Variants in PRSS23 observed in about 807,000 individuals in gnomAD.
The protein encoded by PRSS23 is protease, serine 23.
PRSS23 carries 25 observed loss-of-function variants against 34.7 expected under a neutral mutation model. The observed-to-expected ratio is 0.72, with a 90% CI of 0.53 to 1.01. The LOEUF (loss-of-function observed/expected upper bound fraction) is 1.01, where lower values mean the gene tolerates loss of function less well. PRSS23 is among the 50% of genes least tolerant of loss of function. The pLI, the probability that PRSS23 is intolerant of heterozygous loss-of-function variation, is 0.00. For synonymous variants in PRSS23, 176 were observed against 186.6 expected, an observed-to-expected ratio of 0.94 and a Z score of 0.46; for missense variants, 445 against 475.6, an observed-to-expected ratio of 0.94 and a Z score of 0.60.
intron 2 of PRSS23, among the ~76,000 whole-genome samples, chr11:86,883,232 G>A (rs990461633): frequency 3.3e-5 from 5 of 152,136 alleles, no homozygotes; most frequent in Admixed American, 3.3e-4. Context: ...CATGCTACTC[G>A]ACTTCAAACC....
intron 2 of PRSS23, among the ~76,000 whole-genome samples, chr11:86,920,482 T>C (rs181583568): frequency 1.3e-5 from 2 of 152,282 alleles, no homozygotes; most frequent in East Asian, 1.9e-4. Context: ...TTATGGCAGA[T>C]AATGTGTACA....
At chr11:86,868,438 A>G (rs1590903397) in intron 2 of PRSS23, among the ~76,000 whole-genome samples, 1 of 152,274 alleles carries the variant, frequency 6.6e-6, no homozygotes, top group East Asian at 1.9e-4. Flanking sequence ...GAAAGAGCAA[A>G]GGAATGACAC....
In PRSS23 at chr11:86,951,250, G is replaced by A. The variant is rs192151920; in HGVS notation, c.241G>A (p.Val81Met). Reference sequence around the variant, plus strand: ...ATCTGTTGGAACACTTCTGCCACGTGTGAAGAGTTTTGGCAGACCAAATCC... The same window carrying A: ...ATCTGTTGGAACACTTCTGCCACGTATGAAGAGTTTTGGCAGACCAAATCC... Residue 81 changes from valine (V) to methionine (M), a missense_variant, in exon 3 of 3, where the codon GTG becomes ATG. By Grantham distance (21) the Val-to-Met change is conservative. Transcript: ENST00000533902. 6.2e-6 allele frequency: 10 copies of A among 1,614,098 alleles called. No homozygotes were observed. In the African/African-American group the frequency reaches 9.3e-5, roughly 15 times the overall value.
chr11:86,836,753 G>T (rs1198557208), intron 2 of PRSS23: 1 of 152,210 alleles, frequency 6.6e-6, no homozygotes, highest in African/African-American at 2.4e-5. Context: ...GCTGTCAATG[G>T]TCAAGCATAC....
chr11:86,899,993 G>A (rs1260873929), intron 2 of PRSS23, among the ~76,000 whole-genome samples: 1 of 152,110 alleles, frequency 6.6e-6, no homozygotes, highest in East Asian at 1.9e-4. Flanking sequence ...GATAACCAAA[G>A]AACGCATGGT....
intron 2 of PRSS23, among the ~76,000 whole-genome samples, chr11:86,907,817 G>A (rs1187188515): frequency 2.0e-5 from 3 of 152,186 alleles, no homozygotes; most frequent in African/African-American, 7.2e-5. Context: ...ATGTTGTAGA[G>A]CAGTTCTCTA....
chr11:86,811,278 C>T (rs1439953664), downstream of PRSS23: 1 of 165,532 alleles, frequency 6.0e-6, no homozygotes, highest in African/African-American at 2.4e-5. Context: ...TGGTGTTCTA[C>T]TAAATACATT....
At chr11:86,935,589 T>G (rs1241533239) in intron 2 of PRSS23, 1 of 152,198 alleles carries the variant, frequency 6.6e-6, no homozygotes, top group African/African-American at 2.4e-5. Flanking sequence ...TATCATCCAT[T>G]ACCAATTACT....
chr11:86,800,024 G>A (rs1245324169), upstream of PRSS23, among the ~76,000 whole-genome samples: 1 of 152,200 alleles, frequency 6.6e-6, no homozygotes, highest in Non-Finnish European at 1.5e-5. Context: ...GGCGCACACA[G>A]GTTCTGAACC....
At chr11:86,946,285 C>A (rs934629133) in intron 2 of PRSS23, 3 of 152,102 alleles carry the variant, frequency 2.0e-5, no homozygotes, top group African/African-American at 7.2e-5. Context: ...TGGCTCTTGC[C>A]CCTCTTTTCA....
intron 2 of PRSS23, among the ~76,000 whole-genome samples, chr11:86,931,787 A>G (rs1949127507): frequency 1.3e-5 from 2 of 152,128 alleles, no homozygotes; most frequent in African/African-American, 4.8e-5. Flanking sequence ...GATTACAGGC[A>G]TGAGCCATCG....
At chr11:86,924,100 C>T (rs573981082) in intron 2 of PRSS23, among the ~76,000 whole-genome samples, 1 of 152,034 alleles carries the variant, frequency 6.6e-6, no homozygotes, top group Admixed American at 6.6e-5. Flanking sequence ...GATCGAGAGC[C>T]GGAAAACAGG....
chr11:86,885,337 T>C (rs182636058), intron 2 of PRSS23, among the ~76,000 whole-genome samples: 19 of 152,362 alleles, frequency 1.2e-4, no homozygotes, highest in Admixed American at 1.2e-3. Context: ...TGACTCTCTT[T>C]GTCAAATTTT....
chr11:86,846,593 A>G (rs1163513348), intron 2 of PRSS23, among the ~76,000 whole-genome samples: 1 of 152,224 alleles, frequency 6.6e-6, no homozygotes, highest in Non-Finnish European at 1.5e-5. Flanking sequence ...CAGCCCTGCC[A>G]GAGGCTCCCC....
chr11:86,924,311 A>G (rs1295636891), intron 2 of PRSS23, among the ~76,000 whole-genome samples: 3 of 152,136 alleles, frequency 2.0e-5, no homozygotes, highest in Non-Finnish European at 4.4e-5. Context: ...GTGCTCAGAG[A>G]AGAAAGGGCT....
upstream of PRSS23, among the ~76,000 whole-genome samples, chr11:86,799,400 G>A (rs1457563557): frequency 2.0e-5 from 3 of 152,226 alleles, no homozygotes; most frequent in Non-Finnish European, 4.4e-5. Flanking sequence ...TTTGATAGGA[G>A]AAAGGAAAGC....
intron 2 of PRSS23, among the ~76,000 whole-genome samples, chr11:86,844,703 C>T (rs1420105244): frequency 6.6e-6 from 1 of 152,128 alleles, no homozygotes; most frequent in East Asian, 1.9e-4. Flanking sequence ...TCATAGGACC[C>T]ACGTCATGAC....
rs1948134691 is a variant in PRSS23, at chr11:86,808,428, A to C, written c.785A>C (p.Lys262Thr). The change falls in exon 2 of 2, where the codon AAG (lysine) becomes ACG (threonine). Residue 262 changes from lysine (K) to threonine (T), a missense_variant. Coordinates refer to ENST00000280258, the MANE Select transcript of PRSS23 (RefSeq NM_007173.6). ...AAGCCCCACAAGAGAAAATTTATGA[A>C]GATTGGGGTGAGCCCTCCTGCTAAG... ...LKKPHKRKFM[K>T]IGVSPPAKQL... 6.2e-7 allele frequency: 1 copy of C among 1,614,198 alleles called. No individual in the cohort carries two copies. Among genetic ancestry groups the C allele is most frequent in the South Asian group, 1.1e-5 (1 of 91,084 alleles).
intron 2 of PRSS23, among the ~76,000 whole-genome samples, chr11:86,825,805 A>G (rs1282519067): frequency 1.5e-4 from 23 of 150,086 alleles, no homozygotes; most frequent in Middle Eastern, 6.9e-3. Flanking sequence ...ATGCGGCGTT[A>G]TTTCTGAGGG....
Sources: allele counts gnomAD v4.1 joint callset (sites outside exome capture counted in the v4.1 genomes callset), GRCh38; gene constraint gnomAD v4.1.1; transcripts MANE v1.5; gene names NCBI Gene and HGNC (gene_info 2026-07-23, HGNC 2026-07-21).